The following FGF7 variants were observed in gnomAD, a reference collection of about 807,000 sequenced individuals.
FGF7 encodes fibroblast growth factor 7.
A neutral mutation model predicts 20.5 loss-of-function variants in FGF7; 6 were observed. The ratio of observed to expected loss-of-function variants is 0.29; its 90% CI spans 0.16 to 0.58. The LOEUF (loss-of-function observed/expected upper bound fraction) is 0.58, where lower values mean the gene tolerates loss of function less well. Ranked by LOEUF, FGF7 falls within the 20% of genes least tolerant of loss-of-function variation. FGF7 has a pLI of 0.90. For synonymous variants in FGF7, 64 were observed against 74.7 expected, an observed-to-expected ratio of 0.86 and a Z score of 0.74; for missense variants, 144 against 228.8, an observed-to-expected ratio of 0.63 and a Z score of 2.39.
At chr15:49,461,494 C>T (rs1299498256) in intron 2 of FGF7, among the ~76,000 whole-genome samples, 1 of 152,202 alleles carries the variant, frequency 6.6e-6, no homozygotes, top group Non-Finnish European at 1.5e-5. Flanking sequence ...ATCTGAGAAA[C>T]TGCATATTTC....
intron 2 of FGF7, among the ~76,000 whole-genome samples, chr15:49,432,606 G>C (rs1048452123): frequency 6.6e-6 from 1 of 151,462 alleles, no homozygotes; most frequent in African/African-American, 2.4e-5. Flanking sequence ...GTGTTGTCAA[G>C]AACTAAACGA....
At chr15:49,461,123 G>C (rs1212929624) in intron 2 of FGF7, among the ~76,000 whole-genome samples, 1 of 152,070 alleles carries the variant, frequency 6.6e-6, no homozygotes. Context: ...CTTCCATCCT[G>C]ATGAACTTCT....
rs776331414 is a variant in FGF7, at chr15:49,424,312, A to T, written c.15A>T (p.Ile5=). The T allele has an allele frequency of 6.2e-7, 1 of 1,613,398 alleles. No individual in the cohort carries two copies. The highest frequency in any genetic ancestry group is 8.5e-7 in the Non-Finnish European group (1 of 1,179,518). The change falls in exon 2 of 4, where the codon ATA becomes ATT. Residue 5 remains isoleucine, a synonymous_variant. Transcript: ENST00000267843. The stretch of plus-strand genomic sequence containing the variant: ...ACTACACTATAATGCACAAATGGAT[A>T]CTGACATGGATCCTGCCAACTTTGC... MHKW[I]LTWILPTLLY... is the part of the protein sequence containing the mutation.
chr15:49,463,602 G>C (rs928761515), intron 2 of FGF7, among the ~76,000 whole-genome samples: 18 of 150,716 alleles, frequency 1.2e-4, no homozygotes, highest in Non-Finnish European at 4.4e-5. Flanking sequence ...GTTCTTAATG[G>C]TCTAGCCCTG....
intron 2 of FGF7, among the ~76,000 whole-genome samples, chr15:49,466,493 T>G (rs909340147): frequency 1.8e-4 from 27 of 152,302 alleles, no homozygotes; most frequent in African/African-American, 6.5e-4. Flanking sequence ...GAGCTTTGGA[T>G]AGTAAATAAA....
intron 2 of FGF7, among the ~76,000 whole-genome samples, chr15:49,460,463 T>C (rs1032214669): frequency 9.2e-5 from 14 of 152,194 alleles, no homozygotes; most frequent in Admixed American, 3.3e-4. Context: ...GTGCTCAAAT[T>C]AGCTCAAATT....
At chr15:49,447,224 A>G (rs1472559838) in intron 2 of FGF7, among the ~76,000 whole-genome samples, 1 of 151,674 alleles carries the variant, frequency 6.6e-6, no homozygotes, top group Non-Finnish European at 1.5e-5. Context: ...ATAATCTTGC[A>G]CTATATTGTT....
At chr15:49,423,991 C>G (rs2049910598) in intron 1 of FGF7, 41 bp from the exon 2 acceptor site, 1 of 258,940 alleles carries the variant, frequency 3.9e-6, no homozygotes. Flanking sequence ...TTATCTTCCT[C>G]TCTCCTCCCC....
chr15:49,434,850 T>A (rs1567268989), intron 2 of FGF7, among the ~76,000 whole-genome samples: 1 of 151,010 alleles, frequency 6.6e-6, no homozygotes, highest in Non-Finnish European at 1.5e-5. Context: ...AAAAACTAAT[T>A]AATAATTAAT....
rs192885172 is a variant in FGF7, at chr15:49,488,600, T to A, written c.*4096T>A. 1 of 152,034 alleles carries A rather than the reference T, an allele frequency of 6.6e-6. No homozygotes were observed. Among genetic ancestry groups the A allele is most frequent in the East Asian group, 2.0e-4 (1 of 5,078 alleles). 9.4% of individuals were successfully genotyped at this position (152,034 alleles called of 1,614,324 possible). A position where few individuals can be genotyped will look rare whatever the true frequency, so the allele number is the denominator to read the frequency against. ...TGTGGTTGCATTTTCCAAGTTCTTA[T>A]CATTGAATTTATGAGAGCCTATCAA... On this transcript the variant is annotated 3_prime_UTR_variant, in exon 4 of 4. Coordinates refer to ENST00000267843, the MANE Select transcript of FGF7 (RefSeq NM_002009.4).
chr15:49,425,801 TTTA>T (rs1331866459), intron 2 of FGF7, among the ~76,000 whole-genome samples: 1 of 151,668 alleles, frequency 6.6e-6, no homozygotes, highest in Non-Finnish European at 1.5e-5. Context: ...CAGTTATGGT[TTTA>T]TTATTATTAT....
intron 2 of FGF7, among the ~76,000 whole-genome samples, chr15:49,460,431 C>A (rs1185503503): frequency 6.6e-6 from 1 of 152,118 alleles, no homozygotes; most frequent in South Asian, 2.1e-4. Flanking sequence ...ATCTCTGATT[C>A]CACTGCAAAG....
chr15:49,457,233 G>C (rs2053386573), intron 2 of FGF7, among the ~76,000 whole-genome samples: 1 of 152,034 alleles, frequency 6.6e-6, no homozygotes, highest in Non-Finnish European at 1.5e-5. Context: ...TAGGCAAAGA[G>C]AGAAGAGTTC....
intron 2 of FGF7, among the ~76,000 whole-genome samples, chr15:49,452,330 G>C (rs945235850): frequency 6.6e-6 from 1 of 152,130 alleles, no homozygotes; most frequent in Non-Finnish European, 1.5e-5. Context: ...TGGGATTACA[G>C]GTGTGAGCCA....
At chr15:49,464,650 A>G (rs2054104937) in intron 2 of FGF7, among the ~76,000 whole-genome samples, 1 of 152,240 alleles carries the variant, frequency 6.6e-6, no homozygotes, top group Non-Finnish European at 1.5e-5. Flanking sequence ...TGACACCAAT[A>G]AATCATTTCA....
intron 2 of FGF7, among the ~76,000 whole-genome samples, chr15:49,434,059 C>A (rs555478299): frequency 2.0e-5 from 3 of 151,572 alleles, no homozygotes; most frequent in Admixed American, 6.6e-5. Flanking sequence ...GGGGAGAAGT[C>A]AAGAAAGTTG....
At chr15:49,435,174 C>T (rs1392055603) in intron 2 of FGF7, among the ~76,000 whole-genome samples, 4 of 151,522 alleles carry the variant, frequency 2.6e-5, no homozygotes, top group Non-Finnish European at 4.4e-5. Flanking sequence ...CTTTTTAATG[C>T]CTTTTCAATC....
intron 2 of FGF7, among the ~76,000 whole-genome samples, chr15:49,439,031 G>T (rs1245995415): frequency 6.6e-6 from 1 of 151,746 alleles, no homozygotes; most frequent in African/African-American, 2.4e-5. Flanking sequence ...TAGCTGAGTG[G>T]GTTGGTCTTA....
chr15:49,425,541 A>G (rs562087382), intron 2 of FGF7: 1 of 152,122 alleles, frequency 6.6e-6, no homozygotes, highest in South Asian at 2.1e-4. Flanking sequence ...ATAATTTCAT[A>G]TTAATTGTTT....
Sources: allele counts gnomAD v4.1 joint callset (sites outside exome capture counted in the v4.1 genomes callset), GRCh38; gene constraint gnomAD v4.1.1; transcripts MANE v1.5; gene names NCBI Gene and HGNC (gene_info 2026-07-23, HGNC 2026-07-21).